Variants in RBM47 observed in about 807,000 individuals in gnomAD.
RBM47 encodes RNA-binding protein 47.
In RBM47, 21 loss-of-function variants were observed where a neutral mutation model predicts 47.1. The ratio of observed to expected loss-of-function variants is 0.45; its 90% CI spans 0.32 to 0.64. The LOEUF is 0.64. RBM47 is among the 30% of genes least tolerant of loss of function. The pLI, the probability that RBM47 is intolerant of heterozygous loss-of-function variation, is 0.05. For synonymous variants in RBM47, 375 were observed against 361.7 expected (o/e 1.04, Z -0.42); for missense variants, 708 against 870.9 (o/e 0.81, Z 2.35).
intron 1 of RBM47, among the ~76,000 whole-genome samples, chr4:40,618,677 C>T (rs565550782): frequency 2.0e-5 from 3 of 150,568 alleles, no homozygotes; most frequent in African/African-American, 7.3e-5. Flanking sequence ...GGCATGGTGG[C>T]GCGCGCCTGT....
In RBM47 at chr4:40,438,726, G is replaced by A. The variant is rs758198670; in HGVS notation, c.168C>T (p.Gly56=). The A allele has an allele frequency of 2.0e-5, 32 of 1,605,162 alleles. No individual in the cohort carries two copies. Among genetic ancestry groups the A allele is most frequent in the Middle Eastern group, 3.3e-4 (2 of 6,068 alleles). The change falls in exon 4 of 7, where the codon GGC becomes GGT. Residue 56 remains glycine, a synonymous_variant. Transcript: ENST00000295971. The part of the protein sequence containing the change: ...MVQENGQRKY[G]GPPPGWEGPH... ...GGCCCTCCCAGCCGGGCGGTGGGCCGCCGTACTTGCGCTGCCCGTTCTCTT... is the reference window on the plus strand; with the variant it reads ...GGCCCTCCCAGCCGGGCGGTGGGCCACCGTACTTGCGCTGCCCGTTCTCTT...
chr4:40,594,121 C>T (rs1299433080), intron 1 of RBM47, among the ~76,000 whole-genome samples: 2 of 151,968 alleles, frequency 1.3e-5, no homozygotes, highest in African/African-American at 2.4e-5. Context: ...CCCCCACCCC[C>T]GCTTCCACCC....
intron 3 of RBM47, among the ~76,000 whole-genome samples, chr4:40,456,682 CG>C (rs1265017725): frequency 6.6e-6 from 1 of 150,412 alleles, no homozygotes; most frequent in Non-Finnish European, 1.5e-5. Context: ...CCTCCTACCT[CG>C]ACCTCTCAGG....
chr4:40,485,396 A>G (rs1362741769), intron 2 of RBM47, among the ~76,000 whole-genome samples: 2 of 152,260 alleles, frequency 1.3e-5, no homozygotes, highest in Non-Finnish European at 2.9e-5. Context: ...CTAAGCAGTA[A>G]GAATATGCAG....
At chr4:40,595,436 G>T (rs1734664307) in intron 1 of RBM47, among the ~76,000 whole-genome samples, 1 of 152,092 alleles carries the variant, frequency 6.6e-6, no homozygotes, top group Non-Finnish European at 1.5e-5. Context: ...GGAGGTTGCA[G>T]TGAGCCGAGA....
intron 1 of RBM47, among the ~76,000 whole-genome samples, chr4:40,616,514 G>C (rs150313901): frequency 1.3e-5 from 2 of 152,000 alleles, no homozygotes; most frequent in African/African-American, 4.8e-5. Flanking sequence ...AACGGATAAA[G>C]CTTCCACCGC....
intron 2 of RBM47, among the ~76,000 whole-genome samples, chr4:40,539,469 G>A (rs995912210): frequency 3.3e-5 from 5 of 151,922 alleles, no homozygotes; most frequent in Admixed American, 6.6e-5. Context: ...AGCCAGGCAC[G>A]GTGACTCGTG....
At chr4:40,530,408 A>C (rs1727276777) in intron 2 of RBM47, among the ~76,000 whole-genome samples, 1 of 152,022 alleles carries the variant, frequency 6.6e-6, no homozygotes, top group Non-Finnish European at 1.5e-5. Flanking sequence ...GTTTCAAGCA[A>C]TTCTCCTGTC....
intron 1 of RBM47, among the ~76,000 whole-genome samples, chr4:40,560,921 C>T (rs1471460294): frequency 1.3e-5 from 2 of 151,270 alleles, no homozygotes; most frequent in African/African-American, 2.4e-5. Context: ...GCCGAGAACG[C>T]GCCACTGCAC....
intron 6 of RBM47, among the ~76,000 whole-genome samples, chr4:40,429,932 C>G (rs1480249380): frequency 6.6e-6 from 1 of 151,934 alleles, no homozygotes; most frequent in Non-Finnish European, 1.5e-5. Flanking sequence ...CGGTGGCTCA[C>G]GCCTGTAATC....
chr4:40,624,187 A>C (rs1045599317), intron 1 of RBM47, among the ~76,000 whole-genome samples: 11 of 152,112 alleles, frequency 7.2e-5, no homozygotes, highest in Non-Finnish European at 1.5e-4. Context: ...TAACCCTGTG[A>C]GGTAGGCATT....
chr4:40,436,723 C>T (rs1712488559), intron 4 of RBM47, 76 bp from the exon 5 acceptor site: 7 of 1,391,018 alleles, frequency 5.0e-6, no homozygotes, highest in Admixed American at 1.7e-5. Context: ...CCTCGGTTCT[C>T]GGCATTTAAC....
At chr4:40,482,813 T>C (rs1241349085) in intron 2 of RBM47, among the ~76,000 whole-genome samples, 1 of 152,162 alleles carries the variant, frequency 6.6e-6, no homozygotes, top group Non-Finnish European at 1.5e-5. Context: ...TTATGTGGAG[T>C]CTAAAAATCT....
At chr4:40,495,926 C>T (rs1722506217) in intron 2 of RBM47, among the ~76,000 whole-genome samples, 1 of 152,176 alleles carries the variant, frequency 6.6e-6, no homozygotes, top group Non-Finnish European at 1.5e-5. Context: ...TAGCTGATTG[C>T]CGCTTACATG....
chr4:40,537,722 C>A (rs1453420353), intron 2 of RBM47, among the ~76,000 whole-genome samples: 2 of 152,296 alleles, frequency 1.3e-5, no homozygotes, highest in East Asian at 3.9e-4. Flanking sequence ...AAGCAGATCT[C>A]AGCAACATCT....
Position 40,464,655 on chromosome 4 carries a change from T to C in RBM47, c.-32+1922A>G, listed in dbSNP as rs1717688062. On this transcript the variant is annotated intron_variant, in intron 3 of 6. Transcript: ENST00000295971. ...TGGCTCACGCCTGTAATACCAGCACTTTGGGAGGCCGAGGCGGGAGGATCA... is the reference window on the plus strand; with the variant it reads ...TGGCTCACGCCTGTAATACCAGCACCTTGGGAGGCCGAGGCGGGAGGATCA... Among the ~76,000 whole-genome samples, 4 of 151,446 alleles carry C rather than the reference T, an allele frequency of 2.6e-5. 1 individual carries two copies. The highest frequency in any genetic ancestry group is 2.6e-4 in the Admixed American group (4 of 15,194).
chr4:40,575,969 A>G (rs1196490718), intron 1 of RBM47, among the ~76,000 whole-genome samples: 2 of 152,228 alleles, frequency 1.3e-5, no homozygotes, highest in East Asian at 1.9e-4. Flanking sequence ...GGGGCCTGCC[A>G]GTGCTGGTGG....
At chr4:40,516,988 A>G (rs582376) in intron 2 of RBM47, among the ~76,000 whole-genome samples, 75,979 of 151,510 alleles carry the variant, frequency 0.5, 20,851 homozygotes, top group African/African-American at 0.74. Flanking sequence ...CCTGCATGCT[A>G]GGGATTAATT....
intron 4 of RBM47, among the ~76,000 whole-genome samples, chr4:40,437,090 A>AAAAAAAAAATATATATAT (rs1256296949): frequency 2.0e-5 from 1 of 49,804 alleles, no homozygotes; most frequent in African/African-American, 1.1e-4. Flanking sequence ...AAAAAAAAAA[A>AAAAAAAAAATATATATAT]ATATATATAT....
Sources: allele counts gnomAD v4.1 joint callset (sites outside exome capture counted in the v4.1 genomes callset), GRCh38; gene constraint gnomAD v4.1.1; transcripts MANE v1.5; gene names NCBI Gene and HGNC (gene_info 2026-07-23, HGNC 2026-07-21).